Variants in ENTREP2 observed in about 807,000 individuals in gnomAD.
The protein encoded by ENTREP2 is protein ENTREP2.
At chr15:29,466,060 G>A in the ENTREP2 span, among the ~76,000 whole-genome samples, 4 of 152,126 alleles carry the variant, frequency 2.6e-5, no homozygotes, top group South Asian at 4.2e-4. Context: ...TCTCTGTACC[G>A]GCAGAGAGGG....
the ENTREP2 span, among the ~76,000 whole-genome samples, chr15:29,652,638 G>C: frequency 6.6e-6 from 1 of 152,266 alleles, no homozygotes; most frequent in African/African-American, 2.4e-5. Context: ...AGGCACTACT[G>C]CATTCCCCCC....
the ENTREP2 span, among the ~76,000 whole-genome samples, chr15:29,193,667 C>G: frequency 6.6e-6 from 1 of 152,216 alleles, no homozygotes; most frequent in Non-Finnish European, 1.5e-5. Context: ...CTATCTGTAT[C>G]TGTCCTATTG....
At chr15:29,174,362 G>T in the ENTREP2 span, among the ~76,000 whole-genome samples, 1 of 152,206 alleles carries the variant, frequency 6.6e-6, no homozygotes, top group African/African-American at 2.4e-5. Flanking sequence ...TGACAAGGAA[G>T]AGACAAACTG....
At chr15:29,136,412 A>T in the ENTREP2 span, 13 of 1,533,594 alleles carry the variant, frequency 8.5e-6, no homozygotes, top group Non-Finnish European at 9.6e-6. Flanking sequence ...CGGAGGGGGG[A>T]GCTCAGCAGG....
chr15:29,674,131 G>GT, the ENTREP2 span, among the ~76,000 whole-genome samples: 1 of 139,362 alleles, frequency 7.2e-6, no homozygotes, highest in African/African-American at 2.9e-5. Flanking sequence ...CAGAGGATGG[G>GT]GGGGGGGGGG....
At chr15:29,530,361 A>G in the ENTREP2 span, among the ~76,000 whole-genome samples, 1 of 152,288 alleles carries the variant, frequency 6.6e-6, no homozygotes, top group African/African-American at 2.4e-5. Context: ...CCATCCATCT[A>G]TGCAAGGAGT....
At chr15:29,568,710 CAAAA>C in the ENTREP2 span, among the ~76,000 whole-genome samples, 2 of 128,236 alleles carry the variant, frequency 1.6e-5, no homozygotes, top group African/African-American at 3.3e-5. Context: ...CCTCTTAAGG[CAAAA>C]AAAAAAAAAA....
At chr15:29,642,006 T>A in the ENTREP2 span, among the ~76,000 whole-genome samples, 1 of 152,082 alleles carries the variant, frequency 6.6e-6, no homozygotes, top group African/African-American at 2.4e-5. Context: ...CAAAAACATA[T>A]CCCATGTTCA....
chr15:29,457,696 A>G, the ENTREP2 span, among the ~76,000 whole-genome samples: 6 of 152,228 alleles, frequency 3.9e-5, no homozygotes, highest in African/African-American at 1.4e-4. Context: ...CCCCATCAGC[A>G]TGAAGCTGCT....
At chr15:29,184,924 T>G in the ENTREP2 span, among the ~76,000 whole-genome samples, 1 of 151,820 alleles carries the variant, frequency 6.6e-6, no homozygotes, top group African/African-American at 2.4e-5. Context: ...TTGAACGGTA[T>G]GAGACCATGG....
the ENTREP2 span, among the ~76,000 whole-genome samples, chr15:29,213,720 T>C: frequency 6.6e-6 from 1 of 152,084 alleles, no homozygotes; most frequent in Non-Finnish European, 1.5e-5. Flanking sequence ...AGATATACTA[T>C]CACAGCAAAA....
the ENTREP2 span, among the ~76,000 whole-genome samples, chr15:29,351,520 CAG>C: frequency 0.053 from 8,049 of 152,088 alleles, 327 homozygotes; most frequent in Middle Eastern, 0.11. Flanking sequence ...AAGAATGAAA[CAG>C]AAACGAAAAA....
At chr15:29,649,784 A>C in the ENTREP2 span, among the ~76,000 whole-genome samples, 4 of 152,102 alleles carry the variant, frequency 2.6e-5, no homozygotes, top group South Asian at 8.3e-4. Context: ...GAAAATAGAA[A>C]TGCTGGCTAA....
the ENTREP2 span, among the ~76,000 whole-genome samples, chr15:29,665,902 G>A: frequency 6.9e-4 from 99 of 144,008 alleles, no homozygotes; most frequent in African/African-American, 1.8e-3. Context: ...CTCCCAGGCC[G>A]GAGTGCAGTG....
the ENTREP2 span, among the ~76,000 whole-genome samples, chr15:29,554,080 C>T: frequency 4.4e-3 from 666 of 151,972 alleles, 3 homozygotes; most frequent in African/African-American, 0.015. Flanking sequence ...TTTGGGAGAC[C>T]GAGGCGGGCA....
the ENTREP2 span, among the ~76,000 whole-genome samples, chr15:29,464,919 C>T: frequency 6.6e-6 from 1 of 152,136 alleles, no homozygotes; most frequent in Non-Finnish European, 1.5e-5. Context: ...GGCTGGAATG[C>T]TAACTTTTAA....
chr15:29,152,957 A>T, the ENTREP2 span, among the ~76,000 whole-genome samples: 1 of 152,150 alleles, frequency 6.6e-6, no homozygotes, highest in Non-Finnish European at 1.5e-5. Context: ...ATTTGGTGTC[A>T]CTGTTTGTGT....
At chr15:29,553,319 C>G in the ENTREP2 span, among the ~76,000 whole-genome samples, 1 of 152,056 alleles carries the variant, frequency 6.6e-6, no homozygotes, top group Non-Finnish European at 1.5e-5. Context: ...AACAAAAAAA[C>G]CTGTAAAGTT....
chr15:29,559,339 C>A, the ENTREP2 span, among the ~76,000 whole-genome samples: 1 of 151,972 alleles, frequency 6.6e-6, no homozygotes. Flanking sequence ...GGTGACTGAG[C>A]CCCCCTGGAT....
Sources: allele counts gnomAD v4.1 joint callset (sites outside exome capture counted in the v4.1 genomes callset), GRCh38; gene constraint gnomAD v4.1.1; transcripts MANE v1.5; gene names NCBI Gene and HGNC (gene_info 2026-07-23, HGNC 2026-07-21).